Variants in AGBL4 observed in about 807,000 individuals in gnomAD.
AGBL4 encodes the protein AGBL carboxypeptidase 4, also known as cytosolic carboxypeptidase 6.
AGBL4 carries 58 observed loss-of-function variants against 66.4 expected under a neutral mutation model. The ratio of observed to expected loss-of-function variants is 0.87; its 90% CI spans 0.71 to 1.09. The LOEUF (loss-of-function observed/expected upper bound fraction) is 1.09. AGBL4 is among the 50% of genes least tolerant of loss of function. AGBL4 has a pLI of 0.00. For synonymous variants in AGBL4, 234 were observed against 222.9 expected, an observed-to-expected ratio of 1.05 and a Z score of -0.44; for missense variants, 579 against 631.0, an observed-to-expected ratio of 0.92 and a Z score of 0.88.
chr1:49,601,542 A>G (rs1250145141), intron 3 of AGBL4, among the ~76,000 whole-genome samples: 2 of 152,168 alleles, frequency 1.3e-5, no homozygotes, highest in Non-Finnish European at 2.9e-5. Flanking sequence ...TCTCAGAAAT[A>G]CCACCACACA....
intron 5 of AGBL4, among the ~76,000 whole-genome samples, chr1:49,011,221 G>T (rs879463295): frequency 1.4e-3 from 207 of 151,932 alleles, no homozygotes; most frequent in Non-Finnish European, 2.6e-3. Context: ...GTGGGCAAAG[G>T]ACATGAACAG....
intron 3 of AGBL4, among the ~76,000 whole-genome samples, chr1:49,533,662 C>G (rs1651324253): frequency 6.6e-6 from 1 of 152,164 alleles, no homozygotes; most frequent in Non-Finnish European, 1.5e-5. Context: ...AGGATTATCA[C>G]TATCACAACC....
chr1:49,826,783 G>T (rs1030834011), intron 2 of AGBL4, among the ~76,000 whole-genome samples: 1 of 152,272 alleles, frequency 6.6e-6, no homozygotes, highest in East Asian at 1.9e-4. Flanking sequence ...GCTAGCCATT[G>T]TAAGAAAAGA....
intron 5 of AGBL4, among the ~76,000 whole-genome samples, chr1:48,905,899 A>G (rs955844058): frequency 6.6e-6 from 1 of 152,216 alleles, no homozygotes; most frequent in African/African-American, 2.4e-5. Flanking sequence ...CTGATTGACC[A>G]CTTCCAATGT....
intron 5 of AGBL4, among the ~76,000 whole-genome samples, chr1:48,994,024 C>T (rs1660814559): frequency 6.6e-6 from 1 of 151,826 alleles, no homozygotes; most frequent in Non-Finnish European, 1.5e-5. Flanking sequence ...ATTTGGTGTT[C>T]CTGAAGGGAG....
chr1:48,594,585 T>C (rs1328813647), intron 9 of AGBL4, among the ~76,000 whole-genome samples: 12 of 152,220 alleles, frequency 7.9e-5, no homozygotes, highest in Admixed American at 7.9e-4. Context: ...TTTGACACAG[T>C]TTATCCATCT....
At chr1:49,609,681 T>A (rs1280176842) in intron 3 of AGBL4, among the ~76,000 whole-genome samples, 1 of 152,156 alleles carries the variant, frequency 6.6e-6, no homozygotes, top group Non-Finnish European at 1.5e-5. Context: ...GGAGTCGACA[T>A]ACATATTATT....
chr1:48,905,634 C>A (rs1343890254), intron 5 of AGBL4, among the ~76,000 whole-genome samples: 3 of 152,178 alleles, frequency 2.0e-5, no homozygotes, highest in African/African-American at 7.2e-5. Context: ...CTCCTTTTTA[C>A]AGATGGGAAA....
At chr1:49,944,288 C>T (rs774073755) in intron 1 of AGBL4, among the ~76,000 whole-genome samples, 2 of 152,100 alleles carry the variant, frequency 1.3e-5, no homozygotes, top group Non-Finnish European at 2.9e-5. Flanking sequence ...AGGACCCCCA[C>T]AGAGTCCATT....
At chr1:49,046,015 T>C (rs933568583) in intron 4 of AGBL4, among the ~76,000 whole-genome samples, 9 of 152,204 alleles carry the variant, frequency 5.9e-5, no homozygotes, top group Admixed American at 2.0e-4. Flanking sequence ...TTCTCAACTG[T>C]CTGGAAAATG....
At chr1:49,794,350 CAAGAT>C (rs1188048274) in intron 2 of AGBL4, among the ~76,000 whole-genome samples, 3 of 151,932 alleles carry the variant, frequency 2.0e-5, no homozygotes, top group Middle Eastern at 3.4e-3. Context: ...ACAAAGAAGA[CAAGAT>C]AATTAATTTT....
intron 2 of AGBL4, among the ~76,000 whole-genome samples, chr1:49,709,518 T>C (rs918754646): frequency 2.0e-5 from 3 of 152,106 alleles, no homozygotes; most frequent in Non-Finnish European, 2.9e-5. Flanking sequence ...GGCAAAGACT[T>C]CATGACTAAA....
chr1:49,272,119 T>G (rs1217691079), intron 3 of AGBL4, among the ~76,000 whole-genome samples: 1 of 152,188 alleles, frequency 6.6e-6, no homozygotes, highest in Non-Finnish European at 1.5e-5. Flanking sequence ...TTTAAAAACA[T>G]GCAGTTTAAA....
In AGBL4 at chr1:49,761,313, A is replaced by G. The variant is rs570625504; in HGVS notation, c.158-63876T>C. On this transcript the variant is annotated intron_variant, in intron 2 of 13. Coordinates refer to ENST00000371839, the MANE Select transcript of AGBL4 (RefSeq NM_032785.4). ...ATAAATATAAATATTACTTTATTGT[A>G]AAACTCTTAATCTATTATAAGAGAT... 3.4e-3 allele frequency among the ~76,000 whole-genome samples: 524 copies of G among 152,272 alleles called. 1 individual carries two copies. Among genetic ancestry groups the G allele is most frequent in the African/African-American group, 0.012 (491 of 41,570 alleles).
At chr1:49,445,746 T>C (rs977069767) in intron 3 of AGBL4, among the ~76,000 whole-genome samples, 12 of 152,186 alleles carry the variant, frequency 7.9e-5, no homozygotes, top group African/African-American at 2.9e-4. Context: ...TTTGGTAAAT[T>C]TCCCATTCAT....
chr1:49,678,265 C>T (rs962110763), intron 3 of AGBL4, among the ~76,000 whole-genome samples: 12 of 152,050 alleles, frequency 7.9e-5, no homozygotes, highest in African/African-American at 2.4e-4. Flanking sequence ...TCATATTACT[C>T]CTTTGTTATT....
intron 1 of AGBL4, among the ~76,000 whole-genome samples, chr1:49,959,062 C>CTAGT (rs1656900068): frequency 6.7e-6 from 1 of 150,340 alleles, no homozygotes; most frequent in South Asian, 2.1e-4. Flanking sequence ...CTAGGCCTGA[C>CTAGT]TAGTTATTGG....
chr1:48,659,037 A>T (rs1646065477), intron 7 of AGBL4, among the ~76,000 whole-genome samples: 1 of 151,934 alleles, frequency 6.6e-6, no homozygotes, highest in Non-Finnish European at 1.5e-5. Flanking sequence ...TCTAGTCCCC[A>T]CTCCACCACC....
chr1:49,787,057 C>T (rs1425503626), intron 2 of AGBL4, among the ~76,000 whole-genome samples: 3 of 152,148 alleles, frequency 2.0e-5, no homozygotes, highest in African/African-American at 4.8e-5. Flanking sequence ...GACACGCTCC[C>T]TAAGTCCCCC....
Sources: gnomAD v4.1 joint callset for allele counts (sites outside exome capture counted in the v4.1 genomes callset) on GRCh38, gnomAD v4.1.1 for gene constraint, MANE v1.5 for transcripts, NCBI Gene and HGNC (gene_info 2026-07-23, HGNC 2026-07-21) for gene names.